LRRC4C: variants seen among roughly 807,000 people sequenced by gnomAD.
LRRC4C encodes leucine rich repeat containing 4C.
LRRC4C carries 5 observed loss-of-function variants against 33.6 expected under a neutral mutation model. The observed-to-expected ratio is 0.15, with a 90% CI of 0.08 to 0.31. The LOEUF (loss-of-function observed/expected upper bound fraction) is 0.31, where lower values mean the gene tolerates loss of function less well. Among genes scored for constraint, LRRC4C ranks in the 10% least tolerant of loss-of-function variants. The pLI is 1.00. For synonymous variants in LRRC4C, 329 were observed against 302.0 expected (o/e 1.09, Z -0.93); for missense variants, 560 against 796.7 (o/e 0.70, Z 3.58).
chr11:41,407,318 TTGA>T (rs1954281337), intron 1 of LRRC4C, among the ~76,000 whole-genome samples: 1 of 151,474 alleles, frequency 6.6e-6, no homozygotes, highest in African/African-American at 2.4e-5. Context: ...TTTTTTTTTT[TTGA>T]GACAGGGTCT....
At chr11:40,747,466 T>C (rs554642619) in intron 2 of LRRC4C, among the ~76,000 whole-genome samples, 1 of 152,070 alleles carries the variant, frequency 6.6e-6, no homozygotes, top group Non-Finnish European at 1.5e-5. Flanking sequence ...ACCAGATGTA[T>C]ATATATAAAC....
At chr11:40,535,530 C>G (rs777788245) in intron 3 of LRRC4C, among the ~76,000 whole-genome samples, 1 of 152,172 alleles carries the variant, frequency 6.6e-6, no homozygotes, top group East Asian at 1.9e-4. Context: ...AACTTTTAAA[C>G]ATTGTTAACA....
At chr11:40,307,303 T>G (rs1945088555) in intron 4 of LRRC4C, among the ~76,000 whole-genome samples, 1 of 152,164 alleles carries the variant, frequency 6.6e-6, no homozygotes, top group Non-Finnish European at 1.5e-5. Context: ...CTTTCTTTCT[T>G]TCTTTGAATG....
In LRRC4C at chr11:40,626,331, C is replaced by T. The variant is rs192559323; in HGVS notation, c.-270+21811G>A. 1.8e-3 allele frequency among the ~76,000 whole-genome samples: 275 copies of T among 152,172 alleles called. 1 individual carries two copies. Among genetic ancestry groups the T allele is most frequent in the African/African-American group, 6.2e-3 (258 of 41,544 alleles). On this transcript the variant is annotated intron_variant, in intron 3 of 6. Coordinates refer to ENST00000528697, the MANE Select transcript of LRRC4C (RefSeq NM_001258419.2). ...AAATTCAACCCCAAGACCCTTATTGCCCTCTTTCCTGCTTTTTTTAAAAAG... is the reference window on the plus strand; with the variant it reads ...AAATTCAACCCCAAGACCCTTATTGTCCTCTTTCCTGCTTTTTTTAAAAAG...
intron 3 of LRRC4C, among the ~76,000 whole-genome samples, chr11:40,529,929 C>T (rs989158044): frequency 6.6e-6 from 1 of 152,032 alleles, no homozygotes; most frequent in South Asian, 2.1e-4. Context: ...TGTAACAAAC[C>T]TGCGTGTTGT....
At chr11:41,264,105 T>TC (rs1262656902) in intron 1 of LRRC4C, among the ~76,000 whole-genome samples, 1 of 151,490 alleles carries the variant, frequency 6.6e-6, no homozygotes, top group Non-Finnish European at 1.5e-5. Context: ...ATTTTTTTTT[T>TC]TTTTTGAGAT....
intron 4 of LRRC4C, among the ~76,000 whole-genome samples, chr11:40,253,780 C>T (rs975194985): frequency 9.2e-5 from 14 of 152,156 alleles, no homozygotes; most frequent in African/African-American, 3.1e-4. Flanking sequence ...CTTTCTCTGT[C>T]TCAATTCTCT....
At chr11:40,713,265 T>C (rs1481510090) in intron 2 of LRRC4C, among the ~76,000 whole-genome samples, 1 of 152,204 alleles carries the variant, frequency 6.6e-6, no homozygotes, top group East Asian at 1.9e-4. Flanking sequence ...AGTTCCTAAC[T>C]AGATGACTCT....
intron 5 of LRRC4C, among the ~76,000 whole-genome samples, chr11:40,180,205 C>T (rs1173535310): frequency 1.3e-5 from 2 of 152,162 alleles, no homozygotes; most frequent in African/African-American, 2.4e-5. Flanking sequence ...ATCAAATCAG[C>T]TAAGAAATCA....
At chr11:40,812,589 C>A (rs1264837016) in intron 2 of LRRC4C, among the ~76,000 whole-genome samples, 1 of 152,020 alleles carries the variant, frequency 6.6e-6, no homozygotes, top group Non-Finnish European at 1.5e-5. Flanking sequence ...TAATATTCTT[C>A]TCAAACATAA....
rs138585478 is a variant in LRRC4C at position 40,901,481 on chromosome 11, T to C, written c.-407+32154A>G. ...AAGGCCATACAAGAATGTTTATACA[T>C]ACTGAAAGTAAAAATGCATAATTAT... On this transcript the variant is annotated intron_variant, in intron 2 of 6. Transcript: ENST00000528697. Among the ~76,000 whole-genome samples, 289 of 152,254 alleles carry C rather than the reference T, an allele frequency of 1.9e-3. 1 individual carries two copies. The highest frequency in any genetic ancestry group is 6.8e-3 in the African/African-American group (281 of 41,578).
chr11:40,914,165 G>A (rs1039265564), intron 2 of LRRC4C, among the ~76,000 whole-genome samples: 3 of 152,070 alleles, frequency 2.0e-5, no homozygotes, highest in African/African-American at 4.8e-5. Flanking sequence ...TCAATCAATA[G>A]AAAAAGAGGG....
At chr11:41,065,177 G>A (rs1035283804) in intron 1 of LRRC4C, among the ~76,000 whole-genome samples, 3 of 152,116 alleles carry the variant, frequency 2.0e-5, no homozygotes, top group South Asian at 2.1e-4. Context: ...CACTGTCAGC[G>A]CAGCAGTCTG....
At chr11:40,991,234 A>G (rs938498742) in intron 1 of LRRC4C, among the ~76,000 whole-genome samples, 17 of 149,206 alleles carry the variant, frequency 1.1e-4, no homozygotes, top group Non-Finnish European at 2.1e-4. Flanking sequence ...AAAAAATCTA[A>G]TGAGTGACAG....
chr11:41,253,097 A>G (rs1467467518), intron 1 of LRRC4C, among the ~76,000 whole-genome samples: 3 of 152,114 alleles, frequency 2.0e-5, no homozygotes, highest in East Asian at 3.9e-4. Flanking sequence ...ATAACTTTAT[A>G]TGGTTGGTGA....
chr11:40,556,539 A>G (rs1027439346), intron 3 of LRRC4C, among the ~76,000 whole-genome samples: 28 of 152,200 alleles, frequency 1.8e-4, no homozygotes, highest in African/African-American at 6.8e-4. Context: ...ACATATCTCA[A>G]TAGGCTCTGC....
intron 5 of LRRC4C, among the ~76,000 whole-genome samples, chr11:40,157,809 G>C (rs531276595): frequency 5.3e-5 from 8 of 152,206 alleles, no homozygotes; most frequent in African/African-American, 1.7e-4. Context: ...CACTGCTGGA[G>C]GGAACGTGAA....
At chr11:40,734,122 T>A (rs1338815523) in intron 2 of LRRC4C, among the ~76,000 whole-genome samples, 1 of 152,082 alleles carries the variant, frequency 6.6e-6, no homozygotes, top group Non-Finnish European at 1.5e-5. Context: ...GTAAAGGAAG[T>A]CAGATAATTG....
Position 40,844,742 on chromosome 11 carries a change from C to A in LRRC4C, c.-407+88893G>T, listed in dbSNP as rs1451438373. On this transcript the variant is annotated intron_variant, in intron 2 of 6. Transcript: ENST00000528697. ...GTAATTGGTGTAATGTGTCTGCATC[C>A]TTTATAGGTAGCTAAAATGTTTCCA... Among the ~76,000 whole-genome samples the A allele has an allele frequency of 4.6e-5, 7 of 152,142 alleles. No homozygotes were observed. In the East Asian group the frequency reaches 1.4e-3, roughly 29 times the overall value.
Sources: allele counts gnomAD v4.1 joint callset (sites outside exome capture counted in the v4.1 genomes callset), GRCh38; gene constraint gnomAD v4.1.1; transcripts MANE v1.5; gene names NCBI Gene and HGNC (gene_info 2026-07-23, HGNC 2026-07-21).